The following EXOC4 variants were observed in gnomAD, a reference collection of about 807,000 sequenced individuals.
EXOC4 encodes exocyst complex component 4, also known as SEC8-like 1.
A neutral mutation model predicts 107.2 loss-of-function variants in EXOC4; 71 were observed. That is an observed-to-expected ratio of 0.66 (90% CI 0.55 to 0.81). The LOEUF is 0.81. Ranked by LOEUF, EXOC4 falls within the 30% of genes least tolerant of loss-of-function variation. EXOC4 has a pLI of 0.00. For synonymous variants in EXOC4, 456 were observed against 441.2 expected (o/e 1.03, Z -0.42); for missense variants, 1,108 against 1,189.6 (o/e 0.93, Z 1.01).
chr7:133,855,104 A>ATAAATATATATATATAAATATAT (rs1798334354), intron 11 of EXOC4, among the ~76,000 whole-genome samples: 1 of 61,892 alleles, frequency 1.6e-5, no homozygotes, highest in Non-Finnish European at 3.2e-5. Context: ...TATATATATA[A>ATAAATATATATATATAAATATAT]ATATATATAA....
intron 11 of EXOC4, among the ~76,000 whole-genome samples, chr7:133,863,792 C>G (rs1482998200): frequency 6.6e-6 from 1 of 152,160 alleles, no homozygotes. Context: ...AGAAAAACTT[C>G]CTGCTTTGCA....
chr7:133,326,143 T>A lies in EXOC4; in HGVS notation c.763+8753T>A, dbSNP rs1795234912. Among the ~76,000 whole-genome samples the A allele has an allele frequency of 2.0e-5, 3 of 152,216 alleles. No homozygotes were observed. In the South Asian group the frequency reaches 6.2e-4, roughly 31 times the overall value. On this transcript the variant is annotated intron_variant, in intron 5 of 17. Coordinates refer to ENST00000253861, the MANE Select transcript of EXOC4 (RefSeq NM_021807.4). Reference sequence around the variant, plus strand: ...CTTTTTTTAAGGTTTTTAACTTCTTTGCAATGGGTTCGAACTTCCTCCTTT... The same window carrying A: ...CTTTTTTTAAGGTTTTTAACTTCTTAGCAATGGGTTCGAACTTCCTCCTTT...
chr7:133,960,438 T>G (rs1217781701), intron 14 of EXOC4, among the ~76,000 whole-genome samples: 1 of 152,252 alleles, frequency 6.6e-6, no homozygotes, highest in Non-Finnish European at 1.5e-5. Flanking sequence ...GTACCAATTC[T>G]TTGAATGTCT....
intron 10 of EXOC4, among the ~76,000 whole-genome samples, chr7:133,813,983 C>T (rs61427426): frequency 0.12 from 17,695 of 152,098 alleles, 1,122 homozygotes; most frequent in Middle Eastern, 0.15. Context: ...AACTATTATA[C>T]AGCAATTTAT....
At chr7:133,498,423 A>C (rs1799519009) in intron 9 of EXOC4, among the ~76,000 whole-genome samples, 1 of 152,134 alleles carries the variant, frequency 6.6e-6, no homozygotes, top group Non-Finnish European at 1.5e-5. Flanking sequence ...GTCTCTACTA[A>C]AAATACAAAA....
intron 6 of EXOC4, among the ~76,000 whole-genome samples, chr7:133,366,581 G>A (rs937894038): frequency 1.3e-5 from 2 of 152,070 alleles, no homozygotes; most frequent in Admixed American, 6.6e-5. Flanking sequence ...ACCTTTTTGA[G>A]AGCATGGTTT....
At chr7:133,304,176 C>A (rs1794702492) in intron 3 of EXOC4, among the ~76,000 whole-genome samples, 1 of 152,124 alleles carries the variant, frequency 6.6e-6, no homozygotes. Flanking sequence ...CAGTGGTTTA[C>A]CAAATTATTT....
chr7:134,025,884 G>A (rs548769356), intron 17 of EXOC4, among the ~76,000 whole-genome samples: 18 of 152,182 alleles, frequency 1.2e-4, no homozygotes, highest in Non-Finnish European at 2.4e-4. Context: ...CAGATTTAAT[G>A]TAGGAGAGGA....
At chr7:133,596,297 T>TGTG (rs1302049667) in intron 9 of EXOC4, among the ~76,000 whole-genome samples, 1 of 152,232 alleles carries the variant, frequency 6.6e-6, no homozygotes, top group Non-Finnish European at 1.5e-5. Context: ...TGTTTCATAA[T>TGTG]GTGCTGCCTC....
chr7:133,608,910 A>T lies in EXOC4; in HGVS notation c.1418-21135A>T, dbSNP rs187014489. On this transcript the variant is annotated intron_variant, in intron 9 of 17. Transcript: ENST00000253861. The stretch of plus-strand genomic sequence containing the variant: ...TGGAAGAATTTCAAATAAACACAAA[A>T]TTTGGGAAAATAGTATAAATATAAC... 3.2e-3 allele frequency among the ~76,000 whole-genome samples: 485 copies of T among 152,266 alleles called. 2 individuals are homozygous for T. Among genetic ancestry groups the T allele is most frequent in the African/African-American group, 0.011 (457 of 41,550 alleles).
At chr7:133,867,716 T>C (rs1365322436) in intron 11 of EXOC4, among the ~76,000 whole-genome samples, 1 of 152,314 alleles carries the variant, frequency 6.6e-6, no homozygotes. Context: ...AGGATAACAG[T>C]GGAAAACCCT....
At chr7:133,664,751 G>A (rs978742599) in intron 10 of EXOC4, among the ~76,000 whole-genome samples, 1 of 152,052 alleles carries the variant, frequency 6.6e-6, no homozygotes, top group African/African-American at 2.4e-5. Flanking sequence ...ATTAAGCTGT[G>A]TAATGATGAA....
chr7:134,037,609 CCGTGGCTTTATAAA>C (rs1563100366), intron 17 of EXOC4, among the ~76,000 whole-genome samples: 4 of 152,094 alleles, frequency 2.6e-5, no homozygotes, highest in Admixed American at 1.3e-4. Flanking sequence ...GCTTTGGTAC[CCGTGGCTTTATAAA>C]CATGAACGTG....
intron 11 of EXOC4, among the ~76,000 whole-genome samples, chr7:133,888,581 T>C (rs531579084): frequency 2.0e-5 from 3 of 152,364 alleles, no homozygotes; most frequent in African/African-American, 7.2e-5. Flanking sequence ...TAACACTGAT[T>C]TGCTGCACAG....
chr7:133,921,434 G>C (rs1799933359), intron 13 of EXOC4, among the ~76,000 whole-genome samples: 2 of 152,148 alleles, frequency 1.3e-5, no homozygotes. Flanking sequence ...TCTTAGCCCA[G>C]TCAAGCTGAC....
chr7:134,088,524 TA>T, the EXOC4 span, among the ~76,000 whole-genome samples: 1 of 152,218 alleles, frequency 6.6e-6, no homozygotes, highest in Admixed American at 6.5e-5. Context: ...AAGATCACTT[TA>T]GACTTCTACT....
At chr7:133,363,789 G>C (rs1265765934) in intron 6 of EXOC4, among the ~76,000 whole-genome samples, 1 of 152,134 alleles carries the variant, frequency 6.6e-6, no homozygotes, top group Non-Finnish European at 1.5e-5. Context: ...TTGCTAGAGT[G>C]GGAGCTGCCT....
At chr7:134,090,370 G>C in the EXOC4 span, among the ~76,000 whole-genome samples, 1 of 152,174 alleles carries the variant, frequency 6.6e-6, no homozygotes, top group Non-Finnish European at 1.5e-5. Context: ...TGACCAGTTT[G>C]TTGGGCCATC....
chr7:133,283,373 A>G (rs1794202949), intron 2 of EXOC4, among the ~76,000 whole-genome samples: 1 of 152,118 alleles, frequency 6.6e-6, no homozygotes. Flanking sequence ...CCATGCCCAA[A>G]CAGATTTCCT....
Sources: gnomAD v4.1 joint callset for allele counts (sites outside exome capture counted in the v4.1 genomes callset) on GRCh38, gnomAD v4.1.1 for gene constraint, MANE v1.5 for transcripts, NCBI Gene and HGNC (gene_info 2026-07-23, HGNC 2026-07-21) for gene names.